The following LRGUK variants were observed in gnomAD, a reference collection of about 807,000 sequenced individuals.
LRGUK encodes leucine-rich repeat and guanylate kinase domain-containing protein.
In LRGUK, 65 loss-of-function variants were observed where a neutral mutation model predicts 76.0. The observed-to-expected ratio is 0.85, with a 90% CI of 0.70 to 1.05. The LOEUF (loss-of-function observed/expected upper bound fraction) is 1.05. LRGUK is among the 50% of genes least tolerant of loss of function. The pLI, the probability that LRGUK is intolerant of heterozygous loss-of-function variation, is 0.00. For missense variants in LRGUK, 758 were observed against 732.8 expected (o/e 1.03, Z -0.40); for synonymous variants, 268 against 265.6 (o/e 1.01, Z -0.09).
At chr7:134,271,306 A>G in the LRGUK span, among the ~76,000 whole-genome samples, 1 of 151,912 alleles carries the variant, frequency 6.6e-6, no homozygotes, top group South Asian at 2.1e-4. Flanking sequence ...CAAGTTTTTT[A>G]TATGGCCAAC....
At chr7:134,236,105 T>C (rs768485713) in intron 16 of LRGUK, among the ~76,000 whole-genome samples, 4 of 152,156 alleles carry the variant, frequency 2.6e-5, no homozygotes, top group Non-Finnish European at 5.9e-5. Flanking sequence ...TACCCTTTCT[T>C]AAATTATTAA....
chr7:134,182,057 A>G (rs1201130917), intron 10 of LRGUK, among the ~76,000 whole-genome samples: 1 of 152,160 alleles, frequency 6.6e-6, no homozygotes, highest in Non-Finnish European at 1.5e-5. Flanking sequence ...GTCTCTATCT[A>G]TAATGCTGTT....
chr7:134,162,914 T>C (rs985708643), intron 6 of LRGUK, among the ~76,000 whole-genome samples: 39 of 148,802 alleles, frequency 2.6e-4, no homozygotes, highest in Admixed American at 2.6e-3. Flanking sequence ...AGAATGCTAA[T>C]ATAACAGACT....
intron 16 of LRGUK, among the ~76,000 whole-genome samples, chr7:134,226,211 A>G (rs1274388424): frequency 7.3e-6 from 1 of 136,962 alleles, no homozygotes; most frequent in Non-Finnish European, 1.5e-5. Context: ...AGAAATTCCC[A>G]TCTCCAATGT....
At chr7:134,170,009 C>T (rs1043589990) in intron 7 of LRGUK, among the ~76,000 whole-genome samples, 2 of 151,976 alleles carry the variant, frequency 1.3e-5, no homozygotes, top group African/African-American at 4.8e-5. Context: ...TCTTACTACA[C>T]CTTTGTGAGC....
At chr7:134,257,240 G>T (rs1260207056) in intron 18 of LRGUK, among the ~76,000 whole-genome samples, 1 of 152,164 alleles carries the variant, frequency 6.6e-6, no homozygotes, top group Non-Finnish European at 1.5e-5. Flanking sequence ...AAACGTAATG[G>T]CTTAAATATC....
At chr7:134,274,354 T>C in the LRGUK span, among the ~76,000 whole-genome samples, 1 of 152,222 alleles carries the variant, frequency 6.6e-6, no homozygotes, top group African/African-American at 2.4e-5. Context: ...AATAAAAGTA[T>C]GGCTTATATA....
chr7:134,266,892 C>G (rs1802866273), downstream of LRGUK, among the ~76,000 whole-genome samples: 2 of 151,954 alleles, frequency 1.3e-5, no homozygotes, highest in South Asian at 4.2e-4. Context: ...AATCTTAAAG[C>G]AATGAGAGGG....
chr7:134,148,286 G>A (rs1333003493), exon 5 of LRGUK: 3 of 1,602,526 alleles, frequency 1.9e-6, no homozygotes, highest in Non-Finnish European at 1.7e-6. Flanking sequence ...TGATTTGTCA[G>A]CGTATCATGC....
chr7:134,176,579 A>T (rs978868372), intron 8 of LRGUK, among the ~76,000 whole-genome samples: 2 of 151,988 alleles, frequency 1.3e-5, no homozygotes, highest in African/African-American at 4.8e-5. Flanking sequence ...ACAAGGTTTC[A>T]CCATGTTAGC....
downstream of LRGUK, among the ~76,000 whole-genome samples, chr7:134,268,717 C>CTTTT (rs71531815): frequency 6.0e-3 from 344 of 57,380 alleles, 54 homozygotes; most frequent in Middle Eastern, 0.023. Flanking sequence ...TGCAAAAAAT[C>CTTTT]TTTTTTTTTT....
chr7:134,167,456 G>A (rs1041492690), intron 7 of LRGUK, among the ~76,000 whole-genome samples: 2 of 152,150 alleles, frequency 1.3e-5, no homozygotes, highest in African/African-American at 4.8e-5. Flanking sequence ...GGGTCAGCAG[G>A]GATAGTTACC....
At chr7:134,178,934 A>AAAAAAAAAAAAAAAAAAAAAAAAAAACC (rs376955591) in intron 10 of LRGUK, among the ~76,000 whole-genome samples, 1 of 78,134 alleles carries the variant, frequency 1.3e-5, no homozygotes, top group Non-Finnish European at 2.1e-5. Flanking sequence ...CTCAAAAAAA[A>AAAAAAAAAAAAAAAAAAAAAAAAAAACC]AAAAAAAAAA....
At chr7:134,170,269 T>C (rs575908488) in intron 7 of LRGUK, among the ~76,000 whole-genome samples, 4 of 152,218 alleles carry the variant, frequency 2.6e-5, no homozygotes, top group Admixed American at 2.6e-4. Context: ...AGTCTATCAA[T>C]ATTTTTCTTT....
exon 20 of LRGUK, chr7:134,263,870 T>A (rs759366133): frequency 1.9e-6 from 3 of 1,610,696 alleles, no homozygotes; most frequent in Non-Finnish European, 2.5e-6. Flanking sequence ...CATTTTCACA[T>A]GAAAAAGAGT....
chr7:134,239,085 T>C (rs73441380), intron 16 of LRGUK, among the ~76,000 whole-genome samples: 6,606 of 152,288 alleles, frequency 0.043, 375 homozygotes, highest in African/African-American at 0.13. Context: ...GAAGTTCCTA[T>C]GACTTCTGGA....
In LRGUK at chr7:134,157,951, G is replaced by T. The variant is rs1043216790; in HGVS notation, c.671-84G>T. On this transcript the variant is annotated intron_variant, in intron 5 of 15. Coordinates refer to ENST00000645682, the Ensembl canonical transcript of LRGUK. ...CTTTATTTAAGCTGTGGTCTGCTTT[G>T]TCTAGTGATGATTTAACACTGATTC... is the stretch of plus-strand genomic sequence containing the variant. The T allele has an allele frequency of 1.9e-5, 23 of 1,222,722 alleles. No homozygotes were observed. The South Asian group carries it at 2.8e-4, about 15-fold the overall frequency. The allele number at this position is 1,222,722 out of a possible 1,614,324, so 75.7% of individuals were successfully genotyped here.
At chr7:134,243,551 A>G (rs1199201039) in intron 16 of LRGUK, among the ~76,000 whole-genome samples, 10 of 152,176 alleles carry the variant, frequency 6.6e-5, no homozygotes, top group Non-Finnish European at 4.4e-5. Flanking sequence ...AAAATAAAAG[A>G]GGACACAAAC....
intron 5 of LRGUK, among the ~76,000 whole-genome samples, chr7:134,151,343 C>A (rs928161118): frequency 6.6e-6 from 1 of 151,986 alleles, no homozygotes; most frequent in Non-Finnish European, 1.5e-5. Flanking sequence ...TATTACACAT[C>A]AGTTTGGAAA....
Sources: allele counts gnomAD v4.1 joint callset (sites outside exome capture counted in the v4.1 genomes callset), GRCh38; gene constraint gnomAD v4.1.1; transcripts MANE v1.5; gene names NCBI Gene and HGNC (gene_info 2026-07-23, HGNC 2026-07-21).